Variants in FBP1 observed in about 807,000 individuals in gnomAD.
FBP1 encodes fructose-1,6-bisphosphatase 1.
FBP1 carries 22 observed loss-of-function variants against 29.9 expected under a neutral mutation model. The observed-to-expected ratio is 0.74, with a 90% CI of 0.53 to 1.05. The LOEUF is 1.05. Ranked by LOEUF, FBP1 falls within the 50% of genes least tolerant of loss-of-function variation. FBP1 has a pLI of 0.00. For missense variants in FBP1, 345 were observed against 448.2 expected (o/e 0.77, Z 2.08); for synonymous variants, 175 against 178.6 (o/e 0.98, Z 0.16).
intron 1 of FBP1, among the ~76,000 whole-genome samples, chr9:94,635,573 G>A (rs1828179754): frequency 6.6e-6 from 1 of 152,302 alleles, no homozygotes; most frequent in Non-Finnish European, 1.5e-5. Flanking sequence ...TTTCTTTCTG[G>A]ATTTCAATGC....
At position 94,615,647 on chromosome 9, in the gene FBP1, A is replaced by G. The variant is rs569079414; in HGVS notation, c.426+2121T>C. Among the ~76,000 whole-genome samples the G allele has an allele frequency of 3.9e-5, 6 of 152,324 alleles. No individual in the cohort carries two copies. In the East Asian group the frequency reaches 1.2e-3, roughly 29 times the overall value. ...TCTAGTATGAGAATTTGAATCTTCT[A>G]TTCCTCAAACTGATTGTGATGTGGA... On this transcript the variant is annotated intron_variant, in intron 3 of 6. Transcript: ENST00000375326.
At chr9:94,604,781 T>C (rs1827672400) in intron 6 of FBP1, among the ~76,000 whole-genome samples, 1 of 152,086 alleles carries the variant, frequency 6.6e-6, no homozygotes, top group Admixed American at 6.5e-5. Flanking sequence ...AGACTCTGCC[T>C]AAAAAGCCAT....
At chr9:94,604,509 C>T (rs1039758215) in intron 6 of FBP1, among the ~76,000 whole-genome samples, 3 of 148,394 alleles carry the variant, frequency 2.0e-5, no homozygotes, top group Admixed American at 1.3e-4. Context: ...GGCAGCCACG[C>T]GTGGTGGCTC....
At chr9:94,623,666 C>T (rs10993267) in intron 1 of FBP1, among the ~76,000 whole-genome samples, 63,071 of 152,100 alleles carry the variant, frequency 0.41, 13,407 homozygotes, top group Admixed American at 0.49. Context: ...CTCAGGAACA[C>T]TCAGGCCATG....
In FBP1 at chr9:94,639,415, C is replaced by G; in HGVS notation, c.-105G>C. The stretch of plus-strand genomic sequence containing the variant: ...GTAGGCACTGGCCGCAGGTGCGGAG[C>G]TGCAGGTGCGGGCGGCAGGTGCGGG... On this transcript the variant is annotated 5_prime_UTR_variant, in exon 1 of 7. Transcript: ENST00000375326. 1.5e-6 allele frequency: 2 copies of G among 1,352,696 alleles called. No homozygotes were observed. The highest frequency in any genetic ancestry group is 2.1e-6 in the Non-Finnish European group (2 of 971,022). The allele number at this position is 1,352,696 out of a possible 1,614,324, so 83.8% of individuals were successfully genotyped here. A position where few individuals can be genotyped will look rare whatever the true frequency, so the allele number is the denominator to read the frequency against.
In FBP1 at chr9:94,605,447, A is replaced by T. The variant is rs766990222; in HGVS notation, c.825+10T>A. On this transcript the variant is annotated intron_variant, in intron 6 of 6. Coordinates refer to ENST00000375326, the MANE Select transcript of FBP1 (RefSeq NM_000507.4). ...CTGCTCCTCACTCCCTCTCCAGGGG[A>T]CACCCTTACCTTTCCATTGGGGCTC... 6.2e-7 allele frequency: 1 copy of T among 1,612,898 alleles called. No individual in the cohort carries two copies. The highest frequency in any genetic ancestry group is 1.3e-5 in the African/African-American group (1 of 74,874).
chr9:94,604,356 G>C (rs1320448043), intron 6 of FBP1, among the ~76,000 whole-genome samples: 1 of 152,170 alleles, frequency 6.6e-6, no homozygotes, highest in South Asian at 2.1e-4. Flanking sequence ...GGCAGCTACA[G>C]CTGGATGATG....
intron 3 of FBP1, among the ~76,000 whole-genome samples, chr9:94,612,714 G>A (rs1294705661): frequency 2.0e-5 from 3 of 151,382 alleles, no homozygotes; most frequent in African/African-American, 4.9e-5. Flanking sequence ...CCACCACCAC[G>A]CCTGGCTAAT....
chr9:94,624,531 T>C (rs1827996034), intron 1 of FBP1, among the ~76,000 whole-genome samples: 1 of 151,500 alleles, frequency 6.6e-6, no homozygotes, highest in Non-Finnish European at 1.5e-5. Flanking sequence ...CACATGTCTG[T>C]AATCCCAGCT....
intron 4 of FBP1, among the ~76,000 whole-genome samples, chr9:94,608,289 G>A (rs899004607): frequency 1.8e-4 from 27 of 152,236 alleles, no homozygotes; most frequent in South Asian, 1.7e-3. Flanking sequence ...GCTCAGCCCC[G>A]TCAGGCACCG....
intron 3 of FBP1, among the ~76,000 whole-genome samples, chr9:94,613,064 T>C (rs1449646898): frequency 6.6e-6 from 1 of 152,154 alleles, no homozygotes; most frequent in Non-Finnish European, 1.5e-5. Flanking sequence ...TAAGGAGAAG[T>C]AGGCACAGAA....
intron 2 of FBP1, among the ~76,000 whole-genome samples, chr9:94,618,361 G>T (rs905798666): frequency 4.0e-5 from 6 of 148,316 alleles, no homozygotes; most frequent in Non-Finnish European, 5.9e-5. Flanking sequence ...GGTGGCTCAT[G>T]CCTAATCCTA....
chr9:94,610,132 A>C (rs967566481), intron 3 of FBP1, 71 bp from the exon 4 acceptor site: 9 of 1,494,196 alleles, frequency 6.0e-6, no homozygotes, highest in Non-Finnish European at 7.3e-6. Context: ...TCAACCATTA[A>C]CAGGAGGCAT....
At chr9:94,610,095 T>C (rs146474686) in intron 3 of FBP1, 34 bp from the exon 4 acceptor site, 627 of 1,607,148 alleles carry the variant, frequency 3.9e-4, no homozygotes, top group Non-Finnish European at 5.0e-4. Flanking sequence ...AATGTTTTTG[T>C]TTTGTTTTGT....
chr9:94,619,418 T>A (rs1345864648), intron 2 of FBP1, among the ~76,000 whole-genome samples: 3 of 152,098 alleles, frequency 2.0e-5, no homozygotes, highest in African/African-American at 7.2e-5. Context: ...TCTCAGAAGT[T>A]TTTTTTTCTA....
Position 94,603,590 on chromosome 9 carries a change from G to C in FBP1, c.826-18C>G, listed in dbSNP as rs1446328133. 1 of 1,612,410 alleles carries C rather than the reference G, an allele frequency of 6.2e-7. No individual in the cohort carries two copies. Among genetic ancestry groups the C allele is most frequent in the Non-Finnish European group, 8.5e-7 (1 of 1,178,520 alleles). On this transcript the variant is annotated intron_variant, in intron 6 of 6. Transcript: ENST00000375326. ...AGTCTCAGCTGGAAAACAAGACCGG[G>C]TAGCGGCCTCCTTGTATCAGAAGGT...
At chr9:94,621,489 C>T (rs1217023859) in intron 1 of FBP1, among the ~76,000 whole-genome samples, 1 of 152,076 alleles carries the variant, frequency 6.6e-6, no homozygotes, top group Non-Finnish European at 1.5e-5. Flanking sequence ...GGAGGAGATA[C>T]TATCATCTGC....
intron 1 of FBP1, among the ~76,000 whole-genome samples, chr9:94,624,884 A>G (rs1828000776): frequency 6.6e-6 from 1 of 152,094 alleles, no homozygotes; most frequent in Non-Finnish European, 1.5e-5. Flanking sequence ...GCCTGGATCC[A>G]GGAAGCATCT....
intron 1 of FBP1, among the ~76,000 whole-genome samples, 153 bp downstream of exon 1, chr9:94,638,988 G>T (rs1302989291): frequency 6.6e-6 from 1 of 152,172 alleles, no homozygotes; most frequent in Non-Finnish European, 1.5e-5. Flanking sequence ...TGGAGAGAGG[G>T]GCTACCAGAC....
Sources: allele counts gnomAD v4.1 joint callset (sites outside exome capture counted in the v4.1 genomes callset), GRCh38; gene constraint gnomAD v4.1.1; transcripts MANE v1.5; gene names NCBI Gene and HGNC (gene_info 2026-07-23, HGNC 2026-07-21).